BPHL: variants seen among roughly 807,000 people sequenced by gnomAD.
BPHL encodes serine hydrolase BPHL.
A neutral mutation model predicts 31.2 loss-of-function variants in BPHL; 27 were observed. The ratio of observed to expected loss-of-function variants is 0.87; its 90% confidence interval spans 0.64 to 1.19. The LOEUF is 1.19. Among genes scored for constraint, BPHL ranks in the 50% most tolerant of loss-of-function variants. BPHL has a pLI of 0.00. For synonymous variants in BPHL, 150 were observed against 146.8 expected, an observed-to-expected ratio of 1.02 and a Z score of -0.16; for missense variants, 356 against 375.7, an observed-to-expected ratio of 0.95 and a Z score of 0.43.
intron 6 of BPHL, among the ~76,000 whole-genome samples, chr6:3,146,957 C>T (rs929986925): frequency 6.6e-6 from 1 of 152,016 alleles, no homozygotes. Context: ...CTACTGTTAC[C>T]TCTTGTGTGA....
intron 6 of BPHL, among the ~76,000 whole-genome samples, chr6:3,141,934 A>G (rs1475553461): frequency 6.6e-6 from 1 of 151,990 alleles, no homozygotes; most frequent in African/African-American, 2.4e-5. Flanking sequence ...AGATTATGCC[A>G]CTACACTCCA....
intron 4 of BPHL, among the ~76,000 whole-genome samples, chr6:3,129,980 G>A (rs3778261): frequency 0.18 from 28,069 of 151,848 alleles, 7,502 homozygotes; most frequent in African/African-American, 0.59. Flanking sequence ...CTAATTTTGT[G>A]TTTTTTAGTA....
Position 3,137,385 on chromosome 6 carries a change from A to G in BPHL, c.556A>G (p.Ser186Gly). Residue 186 changes from serine (S) to glycine (G), a missense_variant, in exon 5 of 7, where the codon AGT (serine) becomes GGT (glycine). Ser to Gly is a moderately conservative substitution (Grantham distance 56). Transcript: ENST00000380379. ...YEGIRDVSKW[S>G]ERTRKPLEAL... ...AGGCATCCGAGATGTTTCCAAATGG[A>G]GTGAGAGAACAAGAAAGCCTCTAGA... is the stretch of plus-strand genomic sequence containing the variant. The G allele has an allele frequency of 6.2e-7, 1 of 1,612,066 alleles. No homozygotes were observed. Among genetic ancestry groups the G allele is most frequent in the Non-Finnish European group, 8.5e-7 (1 of 1,179,650 alleles).
At chr6:3,150,519 GGAACTCGT>G (rs1762492295) in intron 6 of BPHL, among the ~76,000 whole-genome samples, 1 of 152,254 alleles carries the variant, frequency 6.6e-6, no homozygotes. Context: ...CCCTGGCAGA[GGAACTCGT>G]GTTCATCCTC....
At chr6:3,119,655 C>T (rs1761505254) in intron 1 of BPHL, 1 of 1,172,096 alleles carries the variant, frequency 8.5e-7, no homozygotes, top group Non-Finnish European at 1.2e-6. Flanking sequence ...TACATCCCTA[C>T]ACACATGCAA....
intron 6 of BPHL, among the ~76,000 whole-genome samples, chr6:3,151,231 T>C (rs542426474): frequency 6.6e-6 from 1 of 152,132 alleles, no homozygotes; most frequent in Non-Finnish European, 1.5e-5. Flanking sequence ...CTTTCCTGTT[T>C]CCTGAAAACA....
At chr6:3,142,350 C>G (rs1428427590) in intron 6 of BPHL, among the ~76,000 whole-genome samples, 1 of 152,138 alleles carries the variant, frequency 6.6e-6, no homozygotes, top group Non-Finnish European at 1.5e-5. Flanking sequence ...ATCTCTTGAC[C>G]TTGTGATCCA....
chr6:3,143,140 C>G (rs1413694602), intron 6 of BPHL, among the ~76,000 whole-genome samples: 2 of 152,154 alleles, frequency 1.3e-5, no homozygotes, highest in Non-Finnish European at 2.9e-5. Flanking sequence ...ATCACTTGAA[C>G]CTGGGAGGCA....
intron 1 of BPHL, among the ~76,000 whole-genome samples, chr6:3,122,102 AC>A (rs1364248710): frequency 6.6e-6 from 1 of 151,812 alleles, no homozygotes; most frequent in African/African-American, 2.4e-5. Flanking sequence ...ACAGGGTGAA[AC>A]CCCGTCTCTA....
Position 3,129,129 on chromosome 6 carries a change from T to C in BPHL, c.463T>C (p.Tyr155His), listed in dbSNP as rs924560945. ...CATTGCTGCTGCAAAATATCCATCT[T>C]ACATCCACAAGATGGTGATCTGGGG... ...ALIAAAKYPS[Y>H]IHKMVIWGAN... The change falls in exon 4 of 7, where the codon TAC becomes CAC. Residue 155 changes from tyrosine (Y) to histidine (H), a missense_variant. Tyr to His is a moderately conservative substitution (Grantham distance 83). Coordinates refer to ENST00000380379, the MANE Select transcript of BPHL (RefSeq NM_004332.4). 3 of 1,613,384 alleles carry C rather than the reference T, an allele frequency of 1.9e-6. No individual in the cohort carries two copies. Among genetic ancestry groups the C allele is most frequent in the Admixed American group, 1.7e-5 (1 of 59,934 alleles).
chr6:3,150,809 G>A (rs1379904697), intron 6 of BPHL, among the ~76,000 whole-genome samples: 1 of 152,182 alleles, frequency 6.6e-6, no homozygotes, highest in Non-Finnish European at 1.5e-5. Flanking sequence ...GGGCTGCTGA[G>A]GAGCTTGAAA....
upstream of BPHL, chr6:3,118,553 C>T (rs991739087): frequency 4.9e-6 from 2 of 410,706 alleles, no homozygotes; most frequent in Admixed American, 8.9e-5. Context: ...AAACCACGAG[C>T]CGAGTTTCGG....
chr6:3,137,272 G>A, intron 4 of BPHL, 90 bp from the exon 5 acceptor site: 2 of 1,483,334 alleles, frequency 1.3e-6, no homozygotes, highest in East Asian at 2.3e-5. Flanking sequence ...GTGAGCGCAT[G>A]GGCTCAGAAG....
At chr6:3,118,593 T>C (rs1761455083), upstream of BPHL, 1 of 535,784 alleles carries the variant, frequency 1.9e-6, no homozygotes, top group Non-Finnish European at 2.8e-6. Flanking sequence ...CGGCAGGGCG[T>C]GGCTTCGGGG....
chr6:3,144,891 G>C (rs78325842), intron 6 of BPHL, among the ~76,000 whole-genome samples: 7,993 of 152,306 alleles, frequency 0.052, 512 homozygotes, highest in African/African-American at 0.14. Context: ...GACCAGCCGC[G>C]TATTCTGAGC....
chr6:3,118,822 C>T lies in BPHL; in HGVS notation c.82C>T (p.Arg28Trp). The change falls in exon 1 of 7, where the codon CGG becomes TGG. Residue 28 changes from arginine (R) to tryptophan (W), a missense_variant. Transcript: ENST00000380379. ...GCTGAAGCCCGGGATCCACGTCCCA[C>T]GGGCCGGACCCGCGGCCGCGTTCGG... ...SALKPGIHVP[R>W]AGPAAAFGTS... 1 of 1,241,992 alleles carries T rather than the reference C, an allele frequency of 8.1e-7. No homozygotes were observed. Among genetic ancestry groups the T allele is most frequent in the Non-Finnish European group, 1.0e-6 (1 of 990,576 alleles). 76.9% of individuals were successfully genotyped at this position (1,241,992 alleles called of 1,614,324 possible).
intron 3 of BPHL, among the ~76,000 whole-genome samples, chr6:3,127,952 C>G: frequency 6.6e-6 from 1 of 152,108 alleles, no homozygotes; most frequent in East Asian, 1.9e-4. Flanking sequence ...TCCTGAGTAG[C>G]TGGGATTACA....
intron 3 of BPHL, among the ~76,000 whole-genome samples, chr6:3,128,603 A>G (rs893846452): frequency 1.3e-5 from 2 of 152,162 alleles, no homozygotes; most frequent in African/African-American, 2.4e-5. Context: ...TTCTTCCCAC[A>G]GTTGCTTTAC....
intron 6 of BPHL, among the ~76,000 whole-genome samples, chr6:3,146,813 T>A (rs1469785407): frequency 1.4e-5 from 2 of 146,646 alleles, no homozygotes; most frequent in Non-Finnish European, 3.0e-5. Flanking sequence ...TGGTTCGGGT[T>A]GGAGTGCTGG....
Sources: allele counts gnomAD v4.1 joint callset (sites outside exome capture counted in the v4.1 genomes callset), GRCh38; gene constraint gnomAD v4.1.1; transcripts MANE v1.5; gene names NCBI Gene and HGNC (gene_info 2026-07-23, HGNC 2026-07-21).